NEDD9: variants seen among roughly 807,000 people sequenced by gnomAD.
The protein encoded by NEDD9 is neural precursor cell expressed, developmentally down-regulated 9.
Under a neutral mutation model 76.6 loss-of-function variants are expected in NEDD9, and 26 were observed. The ratio of observed to expected loss-of-function variants is 0.34; its 90% CI spans 0.25 to 0.47. The LOEUF (loss-of-function observed/expected upper bound fraction) is 0.47, where lower values mean the gene tolerates loss of function less well. Ranked by LOEUF, NEDD9 falls within the 20% of genes least tolerant of loss-of-function variation. The pLI, the probability that NEDD9 is intolerant of heterozygous loss-of-function variation, is 1.00. For missense variants in NEDD9, 937 were observed against 1,058.5 expected, an observed-to-expected ratio of 0.89 and a Z score of 1.59; for synonymous variants, 392 against 414.2, an observed-to-expected ratio of 0.95 and a Z score of 0.65.
At position 11,193,532 on chromosome 6, in the gene NEDD9, C is replaced by G. The variant is rs562633742; in HGVS notation, c.561+59G>C. ...TGTGAACTCCCTTTTCTCTACAGCCCTGAAGGAATGCTACCCTTAGAAGCG... is the reference window on the plus strand; with the variant it reads ...TGTGAACTCCCTTTTCTCTACAGCCGTGAAGGAATGCTACCCTTAGAAGCG... On this transcript the variant is annotated intron_variant, in intron 3 of 6. Transcript: ENST00000379446. The G allele has an allele frequency of 1.0e-5, 14 of 1,344,118 alleles. No individual in the cohort carries two copies. In the East Asian group the frequency reaches 3.2e-4, roughly 31 times the overall value. The allele number at this position is 1,344,118 out of a possible 1,614,324, so 83.3% of individuals were successfully genotyped here.
At chr6:11,309,521 A>C (rs1443498274) in intron 2 of NEDD9, among the ~76,000 whole-genome samples, 2 of 152,180 alleles carry the variant, frequency 1.3e-5, no homozygotes, top group South Asian at 4.1e-4. Context: ...AGCTGGGACT[A>C]CAGGCTCACA....
rs537962040 is a variant in NEDD9 at position 11,259,540 on chromosome 6, T to G, written c.13-45813A>C. Among the ~76,000 whole-genome samples, 9 of 152,344 alleles carry G rather than the reference T, an allele frequency of 5.9e-5. No individual in the cohort carries two copies. The South Asian group carries it at 1.0e-3, about 18-fold the overall frequency. On this transcript the variant is annotated intron_variant, in intron 3 of 3. Transcript: ENST00000397378. Reference sequence around the variant, plus strand: ...AGTATGTGTAATAATTTAATCTGAGTGCTCTAGGCATGTGTTATTATTACC... The same window carrying G: ...AGTATGTGTAATAATTTAATCTGAGGGCTCTAGGCATGTGTTATTATTACC...
chr6:11,254,612 T>A (rs1323148943), intron 3 of NEDD9, among the ~76,000 whole-genome samples: 1 of 152,234 alleles, frequency 6.6e-6, no homozygotes, highest in Non-Finnish European at 1.5e-5. Context: ...AAACCCTGTA[T>A]TTTTATTTGC....
At position 11,232,643 on chromosome 6, in the gene NEDD9, A is replaced by G; in HGVS notation, c.-128T>C. On this transcript the variant is annotated 5_prime_UTR_variant, in exon 1 of 7. Coordinates refer to ENST00000379446, the MANE Select transcript of NEDD9 (RefSeq NM_006403.4). ...AAGGTCCCGGGCAGAGCCGCTTGTC[A>G]GTCGCAGCGCCTCCCTCAAGTCTCT... The G allele has an allele frequency of 1.3e-6, 2 of 1,566,910 alleles. No homozygotes were observed. The highest frequency in any genetic ancestry group is 1.2e-5 in the South Asian group (1 of 86,772).
intron 3 of NEDD9, among the ~76,000 whole-genome samples, chr6:11,295,317 T>C (rs73362851): frequency 0.015 from 2,213 of 152,362 alleles, 54 homozygotes; most frequent in African/African-American, 0.051. Context: ...TTTTTCTGAC[T>C]GTTAACCCAT....
chr6:11,376,119 C>T (rs985833574), intron 1 of NEDD9, among the ~76,000 whole-genome samples: 19 of 152,182 alleles, frequency 1.2e-4, no homozygotes, highest in Non-Finnish European at 2.2e-4. Context: ...CCACCGTGCC[C>T]GGTCCCCACT....
intron 1 of NEDD9, among the ~76,000 whole-genome samples, chr6:11,368,378 A>G (rs542339245): frequency 6.6e-6 from 1 of 152,344 alleles, no homozygotes; most frequent in Admixed American, 6.5e-5. Flanking sequence ...AATACAATGA[A>G]TCTTTCTTCT....
chr6:11,337,177 C>T (rs145259795), intron 1 of NEDD9, among the ~76,000 whole-genome samples: 1 of 152,254 alleles, frequency 6.6e-6, no homozygotes, highest in African/African-American at 2.4e-5. Flanking sequence ...CAGATCATGC[C>T]ACTGCACTCC....
intron 1 of NEDD9, among the ~76,000 whole-genome samples, chr6:11,335,040 G>A (rs757108925): frequency 2.0e-5 from 3 of 152,128 alleles, no homozygotes; most frequent in Non-Finnish European, 4.4e-5. Flanking sequence ...ACTTAACATC[G>A]ACTGTTCTAC....
chr6:11,199,349 C>T (rs1222575937), intron 2 of NEDD9: 1 of 152,206 alleles, frequency 6.6e-6, no homozygotes, highest in Non-Finnish European at 1.5e-5. Flanking sequence ...TTCTACCACT[C>T]ACAAGCTATG....
Position 11,190,972 on chromosome 6 carries a change from C to T in NEDD9, c.897G>A (p.Pro299=), listed in dbSNP as rs563372683. The T allele has an allele frequency of 1.3e-5, 21 of 1,613,892 alleles. No individual in the cohort carries two copies. Among genetic ancestry groups the T allele is most frequent in the Non-Finnish European group, 1.7e-5 (20 of 1,179,982 alleles). ...PVARRHQSLS[P]NHPPPQLGQS... is the part of the protein sequence containing the mutation. ...GTCCGAGTTGCGGGGGTGGGTGATT[C>T]GGGGACAGGCTCTGGTGCCTTCGAG... The change falls in exon 5 of 7, where the codon CCG becomes CCA. Residue 299 remains proline (P), a synonymous_variant. Transcript: ENST00000379446. This position sits in a 1 kb window ranked among gnomAD's most constrained non-coding sequence, Gnocchi z 5.8.
At chr6:11,356,012 T>A (rs6913589) in intron 1 of NEDD9, among the ~76,000 whole-genome samples, 18 of 151,782 alleles carry the variant, frequency 1.2e-4, no homozygotes, top group Non-Finnish European at 1.8e-4. Context: ...TGAGCCACCA[T>A]GCCCGGCCGA....
intron 3 of NEDD9, among the ~76,000 whole-genome samples, chr6:11,303,369 A>G (rs1303515806): frequency 6.6e-6 from 1 of 152,234 alleles, no homozygotes; most frequent in Non-Finnish European, 1.5e-5. Flanking sequence ...ATAAAAGAGG[A>G]CACAAACAAA....
At chr6:11,381,417 T>C (rs187900877) in intron 1 of NEDD9, among the ~76,000 whole-genome samples, 2 of 152,350 alleles carry the variant, frequency 1.3e-5, no homozygotes, top group African/African-American at 4.8e-5. Context: ...TGATTACAGA[T>C]GGTCTTCATT....
At chr6:11,187,414 C>T (rs1758006548) in intron 6 of NEDD9, among the ~76,000 whole-genome samples, 1 of 152,188 alleles carries the variant, frequency 6.6e-6, no homozygotes, top group South Asian at 2.1e-4. Flanking sequence ...GCCCAAAGTC[C>T]TCAGTAGATA....
chr6:11,374,432 G>T (rs1366260987), intron 1 of NEDD9, among the ~76,000 whole-genome samples: 2 of 152,170 alleles, frequency 1.3e-5, no homozygotes, highest in East Asian at 3.9e-4. Flanking sequence ...ATACTACTGT[G>T]CTTTGAGGAG....
At chr6:11,232,417 T>G in intron 1 of NEDD9, 87 bp downstream of exon 1, 1 of 1,520,026 alleles carries the variant, frequency 6.6e-7, no homozygotes, top group Non-Finnish European at 9.1e-7. Flanking sequence ...CACAAGGGAC[T>G]GACAGTAAGG....
At chr6:11,315,878 G>C (rs7765241) in intron 2 of NEDD9, among the ~76,000 whole-genome samples, 68,487 of 152,070 alleles carry the variant, frequency 0.45, 15,893 homozygotes, top group East Asian at 0.72. Context: ...CAAACAGCAA[G>C]GTATTCCAAA....
rs964833882 is a variant in NEDD9, at chr6:11,241,744, G to C, written c.13-28017C>G. Among the ~76,000 whole-genome samples the C allele has an allele frequency of 2.4e-4, 36 of 152,160 alleles. No individual in the cohort carries two copies. Among genetic ancestry groups the C allele is most frequent in the African/African-American group, 8.7e-4 (36 of 41,434 alleles). ...CCCCCTTGTGCCTTAAAAGAGCCCA[G>C]CTGACCCAGCCCTCCAAGAAGGCCT... On this transcript the variant is annotated intron_variant, in intron 3 of 3. Coordinates refer to the NEDD9 transcript ENST00000397378. This position sits in a 1 kb window ranked among gnomAD's most constrained non-coding sequence, Gnocchi z 4.0.
Sources: gnomAD v4.1 joint callset for allele counts (sites outside exome capture counted in the v4.1 genomes callset) on GRCh38, gnomAD v4.1.1 for gene constraint, Gnocchi (gnomAD v3.1) non-coding constraint, MANE v1.5 for transcripts, NCBI Gene and HGNC (gene_info 2026-07-23, HGNC 2026-07-21) for gene names.